The following SLC12A3 variants were observed in gnomAD, a reference collection of about 807,000 sequenced individuals.
SLC12A3 encodes Na-Cl cotransporter.
In SLC12A3, 104 loss-of-function variants were observed where a neutral mutation model predicts 121.0. The ratio of observed to expected loss-of-function variants is 0.86; its 90% CI spans 0.73 to 1.01. The LOEUF is 1.01. SLC12A3 is among the 50% of genes least tolerant of loss of function. The pLI, the probability that SLC12A3 is intolerant of heterozygous loss-of-function variation, is 0.00. For missense variants in SLC12A3, 1,328 were observed against 1,356.3 expected, an observed-to-expected ratio of 0.98 and a Z score of 0.33; for synonymous variants, 536 against 533.4, an observed-to-expected ratio of 1.00 and a Z score of -0.07.
intron 8 of SLC12A3, among the ~76,000 whole-genome samples, chr16:56,873,374 C>CTTTT (rs59478629): frequency 0.014 from 1,046 of 75,344 alleles, 7 homozygotes; most frequent in Non-Finnish European, 0.021. Flanking sequence ...CTCTTTCTTT[C>CTTTT]TTTTTTTTTT....
In SLC12A3 at chr16:56,879,201, C is replaced by T; in HGVS notation, c.1309C>T (p.His437Tyr). 6.2e-7 allele frequency: 1 copy of T among 1,613,930 alleles called. No individual in the cohort carries two copies. The highest frequency in any genetic ancestry group is 8.5e-7 in the Non-Finnish European group (1 of 1,180,034). The change falls in exon 10 of 26, where the codon CAC becomes TAC. Residue 437 changes from histidine to tyrosine, a missense_variant. By Grantham distance (83) the His-to-Tyr change is moderately conservative. Transcript: ENST00000563236. ...FTECTQQHSC[H>Y]YGLINYYQTM... is the part of the protein sequence containing the mutation. ...CGAGTGCACCCAGCAGCACAGCTGC[C>T]ACTACGGCCTCATCAACTATTACCA...
chr16:56,893,753 C>T (rs1363683581), intron 21 of SLC12A3, among the ~76,000 whole-genome samples: 10 of 152,104 alleles, frequency 6.6e-5, no homozygotes, highest in African/African-American at 2.4e-4. Flanking sequence ...TTATGTGAAA[C>T]TCCTCAATTA....
At chr16:56,898,665 C>T (rs755779518) in intron 22 of SLC12A3, among the ~76,000 whole-genome samples, 6 of 152,124 alleles carry the variant, frequency 3.9e-5, no homozygotes, top group Non-Finnish European at 8.8e-5. Flanking sequence ...TCCAGCCAGA[C>T]CGCCACCTCT....
intron 17 of SLC12A3, 106 bp from the exon 18 acceptor site, chr16:56,887,811 TTTTTTTTG>T: frequency 5.4e-6 from 1 of 184,920 alleles, no homozygotes; most frequent in Non-Finnish European, 1.0e-5. Context: ...TTTTTTTTTT[TTTTTTTTG>T]AGAATCAGCA....
At chr16:56,912,669 G>A (rs3794647) in intron 25 of SLC12A3, among the ~76,000 whole-genome samples, 88,380 of 152,066 alleles carry the variant, frequency 0.58, 26,241 homozygotes, top group African/African-American at 0.68. Context: ...GGTGAATAAG[G>A]CAGATCTGGC....
Position 56,869,716 on chromosome 16 carries a change from G to C in SLC12A3, c.506-13G>C. The C allele has an allele frequency of 6.2e-7, 1 of 1,612,744 alleles. No individual in the cohort carries two copies. Among genetic ancestry groups the C allele is most frequent in the Non-Finnish European group, 8.5e-7 (1 of 1,178,838 alleles). ...GGGAAATGCCCTGCCTAAGCTTTGGGTGCCCCCTGCAGTCCTGACCTGGAT... is the reference window on the plus strand; with the variant it reads ...GGGAAATGCCCTGCCTAAGCTTTGGCTGCCCCCTGCAGTCCTGACCTGGAT... On this transcript the variant is annotated splice_polypyrimidine_tract_variant and intron_variant, in intron 3 of 25. Coordinates refer to ENST00000563236, the MANE Select transcript of SLC12A3 (RefSeq NM_001126108.2).
intron 25 of SLC12A3, chr16:56,906,827 GA>G (rs1375925151): frequency 1.5e-6 from 1 of 677,818 alleles, no homozygotes; most frequent in Non-Finnish European, 2.7e-6. Flanking sequence ...GCCTGTATGA[GA>G]AGAAAAAGAC....
chr16:56,872,508 TCTCTAC>T, intron 7 of SLC12A3, 46 bp downstream of exon 7: 2 of 1,588,218 alleles, frequency 1.3e-6, no homozygotes. Context: ...GGACAGGGAC[TCTCTAC>T]CCAGGAATCT....
rs777162601 is a variant in SLC12A3 at position 56,872,749 on chromosome 16, G to C, written c.1058G>C (p.Gly353Ala). Residue 353 changes from glycine to alanine, a missense_variant, in exon 8 of 26, where the codon GGC becomes GCC. Gly to Ala is a moderately conservative substitution (Grantham distance 60). Coordinates refer to ENST00000563236, the MANE Select transcript of SLC12A3 (RefSeq NM_001126108.2). Reference protein sequence around the residue: ...MFSIFFPSATGILAGANISGD... With the variant: ...MFSIFFPSATAILAGANISGD... Reference sequence around the variant, plus strand: ...TCCATCTTCTTCCCCTCGGCCACAGGCATCCTGGCAGGGGCCAACATATCT... The same window carrying C: ...TCCATCTTCTTCCCCTCGGCCACAGCCATCCTGGCAGGGGCCAACATATCT... The C allele has an allele frequency of 8.1e-6, 13 of 1,614,252 alleles. No homozygotes were observed. Among genetic ancestry groups the C allele is most frequent in the Non-Finnish European group, 1.1e-5 (13 of 1,180,048 alleles).
At chr16:56,878,020 G>GTCCC in intron 8 of SLC12A3, 57 bp from the exon 9 acceptor site, 38 of 598,812 alleles carry the variant, frequency 6.3e-5, no homozygotes, top group South Asian at 1.1e-4. Context: ...AATGTCCTCC[G>GTCCC]TCCCTCCCTC....
At chr16:56,891,913 C>T (rs764861862) in intron 19 of SLC12A3, among the ~76,000 whole-genome samples, 170 bp from the exon 20 acceptor site, 9 of 152,130 alleles carry the variant, frequency 5.9e-5, no homozygotes, top group Non-Finnish European at 1.2e-4. Context: ...TGTGAGGAGC[C>T]GGGCAGGAGG....
chr16:56,899,412 C>G, intron 22 of SLC12A3, 118 bp from the exon 23 acceptor site: 1 of 792,960 alleles, frequency 1.3e-6, no homozygotes, highest in South Asian at 1.4e-5. Context: ...TTGCTTGAAC[C>G]TGGGAGGCAG....
In SLC12A3 at chr16:56,913,340, C is replaced by T; in HGVS notation, c.3001C>T (p.Leu1001Phe). ...MAWLETLSQD[L>F]RPPVILIRGN... ...CTGGCTGGAGACCCTGTCCCAGGAC[C>T]TCAGACCTCCAGTCATCCTGATCCG... The change falls in exon 26 of 26, where the codon CTC (leucine) becomes TTC (phenylalanine). Residue 1001 changes from leucine to phenylalanine, a missense_variant. Leu to Phe is a conservative substitution (Grantham distance 22, BLOSUM62 0). Coordinates refer to ENST00000563236, the MANE Select transcript of SLC12A3 (RefSeq NM_001126108.2). 1 of 1,614,194 alleles carries T rather than the reference C, an allele frequency of 6.2e-7. No homozygotes were observed. The highest frequency in any genetic ancestry group is 1.1e-5 in the South Asian group (1 of 91,088).
chr16:56,907,193 CGCCT>C (rs2055619405), intron 25 of SLC12A3: 2 of 158,020 alleles, frequency 1.3e-5, no homozygotes, highest in South Asian at 3.7e-4. Flanking sequence ...TGGTGGCTCA[CGCCT>C]GTAATCCCAG....
At position 56,882,392 on chromosome 16, in the gene SLC12A3, G is replaced by T. The variant is rs374303576; in HGVS notation, c.1568-4G>T. ...CTGTCCTCTCTCTCCCTGGGTCCCCGAAGCTGAGCTCAACACCATAGCCCC... is the reference window on the plus strand; with the variant it reads ...CTGTCCTCTCTCTCCCTGGGTCCCCTAAGCTGAGCTCAACACCATAGCCCC... On this transcript the variant is annotated splice_polypyrimidine_tract_variant and splice_region_variant and intron_variant, in intron 12 of 25. Transcript: ENST00000563236. 2 of 1,613,334 alleles carry T rather than the reference G, an allele frequency of 1.2e-6. No homozygotes were observed.
intron 15 of SLC12A3, 30 bp downstream of exon 15, chr16:56,885,394 AC>A: frequency 1.4e-6 from 2 of 1,381,198 alleles, no homozygotes; most frequent in Non-Finnish European, 2.0e-6. Context: ...CCCACCTGGG[AC>A]CCCAGGGCCA....
At chr16:56,876,923 G>A (rs1235467038) in intron 8 of SLC12A3, among the ~76,000 whole-genome samples, 1 of 152,230 alleles carries the variant, frequency 6.6e-6, no homozygotes, top group Non-Finnish European at 1.5e-5. Context: ...GCCCGAGGCT[G>A]TTGACTTTGG....
At chr16:56,869,920 C>T in intron 4 of SLC12A3, 96 bp downstream of exon 4, 2 of 1,374,476 alleles carry the variant, frequency 1.5e-6, no homozygotes, top group Non-Finnish European at 1.0e-6. Context: ...GTACACCCAG[C>T]CGCTCCTGTG....
Position 56,865,317 on chromosome 16 carries a change from A to C in SLC12A3, c.82A>C (p.Ser28Arg). The change falls in exon 1 of 26, where the codon AGT becomes CGT. Residue 28 changes from serine (S) to arginine (R), a missense_variant. Physicochemically the swap from Ser to Arg is moderately radical, Grantham distance 110. Coordinates refer to ENST00000563236, the MANE Select transcript of SLC12A3 (RefSeq NM_001126108.2). ...GRFTISTLLS[S>R]DEPSPPAAYD... ...CTTCACCATCAGCACACTGCTGAGCAGTGATGAGCCCTCTCCACCAGCTGC... is the reference window on the plus strand; with the variant it reads ...CTTCACCATCAGCACACTGCTGAGCCGTGATGAGCCCTCTCCACCAGCTGC... The C allele has an allele frequency of 1.2e-6, 2 of 1,614,050 alleles. No individual in the cohort carries two copies. The highest frequency in any genetic ancestry group is 1.3e-5 in the African/African-American group (1 of 75,066).
Sources: gnomAD v4.1 joint callset for allele counts (sites outside exome capture counted in the v4.1 genomes callset) on GRCh38, gnomAD v4.1.1 for gene constraint, MANE v1.5 for transcripts, NCBI Gene and HGNC (gene_info 2026-07-23, HGNC 2026-07-21) for gene names.